CTNNA3: variants seen among roughly 807,000 people sequenced by gnomAD.
The protein encoded by CTNNA3 is catenin alpha 3.
Under a neutral mutation model 95.7 loss-of-function variants are expected in CTNNA3, and 76 were observed. That is an observed-to-expected ratio of 0.79 (90% CI 0.66 to 0.96). The LOEUF (loss-of-function observed/expected upper bound fraction) is 0.96. CTNNA3 is among the 40% of genes least tolerant of loss of function. The probability of loss-of-function intolerance (pLI) is 0.00; values close to 1 mark genes in which losing one functional copy is unlikely to be tolerated. For synonymous variants in CTNNA3, 431 were observed against 374.4 expected (o/e 1.15, Z -1.74); for missense variants, 1,191 against 1,089.8 (o/e 1.09, Z -1.31).
intron 16 of CTNNA3, among the ~76,000 whole-genome samples, chr10:65,979,216 A>G (rs1458689281): frequency 1.3e-5 from 2 of 152,186 alleles, no homozygotes; most frequent in Non-Finnish European, 2.9e-5. Flanking sequence ...TGAGAAAGTG[A>G]CATGTACTTT....
chr10:67,451,370 T>C (rs867626076), intron 5 of CTNNA3, among the ~76,000 whole-genome samples: 13 of 151,960 alleles, frequency 8.6e-5, no homozygotes, highest in African/African-American at 1.7e-4. Context: ...TAGAAAGATG[T>C]GATGTTAGAA....
chr10:67,323,162 T>C (rs1020219031), intron 5 of CTNNA3, among the ~76,000 whole-genome samples: 11 of 152,194 alleles, frequency 7.2e-5, no homozygotes, highest in African/African-American at 2.7e-4. Flanking sequence ...TCCCATTCTT[T>C]AGGTTGTCTG....
chr10:65,995,237 CT>C (rs1425235459), intron 15 of CTNNA3, among the ~76,000 whole-genome samples: 3 of 151,800 alleles, frequency 2.0e-5, no homozygotes, highest in African/African-American at 7.3e-5. Context: ...TTTAATGTTT[CT>C]TTTTTCCTTT....
At chr10:66,562,938 T>C (rs1164023980) in intron 10 of CTNNA3, among the ~76,000 whole-genome samples, 3 of 152,076 alleles carry the variant, frequency 2.0e-5, no homozygotes, top group African/African-American at 2.4e-5. Context: ...TTCAGGAACA[T>C]TAAAATAATT....
chr10:66,962,577 T>A (rs549179419), intron 7 of CTNNA3, among the ~76,000 whole-genome samples: 1 of 151,708 alleles, frequency 6.6e-6, no homozygotes, highest in East Asian at 2.0e-4. Flanking sequence ...ACCCAGATAA[T>A]TTTTTTTCTA....
intron 13 of CTNNA3, among the ~76,000 whole-genome samples, chr10:66,239,585 T>C (rs536003639): frequency 6.6e-5 from 10 of 152,036 alleles, no homozygotes; most frequent in Non-Finnish European, 1.5e-4. Context: ...AATGAGGCTA[T>C]AATTACAACA....
intron 7 of CTNNA3, among the ~76,000 whole-genome samples, chr10:66,841,746 C>T (rs187676794): frequency 1.8e-4 from 27 of 152,226 alleles, no homozygotes; most frequent in Admixed American, 1.6e-3. Flanking sequence ...TAAGGGCTAA[C>T]AAGTGCTAGG....
intron 15 of CTNNA3, among the ~76,000 whole-genome samples, chr10:66,061,877 G>A (rs1459048314): frequency 6.6e-6 from 1 of 152,050 alleles, no homozygotes; most frequent in Non-Finnish European, 1.5e-5. Flanking sequence ...ACATTTAACA[G>A]TTTAACAACA....
intron 14 of CTNNA3, among the ~76,000 whole-genome samples, chr10:66,082,653 G>A (rs1025229118): frequency 2.0e-5 from 3 of 150,790 alleles, no homozygotes; most frequent in Admixed American, 6.6e-5. Flanking sequence ...TAACATTAGG[G>A]GAAATTAGGT....
intron 10 of CTNNA3, among the ~76,000 whole-genome samples, chr10:66,617,495 T>C (rs1844564704): frequency 6.6e-6 from 1 of 152,094 alleles, no homozygotes; most frequent in Non-Finnish European, 1.5e-5. Flanking sequence ...AAAAGGCCTT[T>C]GACAAAATTC....
Position 66,876,173 on chromosome 10 carries a change from C to T in CTNNA3, c.1048-100649G>A, listed in dbSNP as rs566146725. The stretch of plus-strand genomic sequence containing the variant: ...AGATCTGATAGTTGGTAAAATGGGC[C>T]ATAGGGTAGCTTCACTAAGCATTTC... On this transcript the variant is annotated intron_variant, in intron 7 of 17. Coordinates refer to ENST00000433211, the MANE Select transcript of CTNNA3 (RefSeq NM_013266.4). Among the ~76,000 whole-genome samples the T allele has an allele frequency of 2.0e-3, 307 of 152,120 alleles. 1 individual carries two copies. Among genetic ancestry groups the T allele is most frequent in the African/African-American group, 7.0e-3 (290 of 41,508 alleles).
chr10:66,508,984 C>T (rs1405164758), intron 11 of CTNNA3, among the ~76,000 whole-genome samples: 1 of 152,068 alleles, frequency 6.6e-6, no homozygotes, highest in African/African-American at 2.4e-5. Flanking sequence ...AGTGGCTATA[C>T]TAGTTTATAT....
At chr10:66,326,716 A>G (rs2092258889) in intron 12 of CTNNA3, among the ~76,000 whole-genome samples, 1 of 152,054 alleles carries the variant, frequency 6.6e-6, no homozygotes, top group East Asian at 1.9e-4. Flanking sequence ...GTAGCGGGAG[A>G]TCAGACCAGA....
chr10:65,964,895 C>T (rs908529461), intron 17 of CTNNA3, among the ~76,000 whole-genome samples: 2 of 152,050 alleles, frequency 1.3e-5, no homozygotes, highest in Non-Finnish European at 2.9e-5. Flanking sequence ...TACACACATA[C>T]ATGCTGTGTG....
At chr10:66,169,041 C>T (rs79814637) in intron 13 of CTNNA3, among the ~76,000 whole-genome samples, 11,273 of 152,120 alleles carry the variant, frequency 0.074, 526 homozygotes, top group Admixed American at 0.12. Flanking sequence ...TCTCATGTAC[C>T]AATTAATTGT....
intron 7 of CTNNA3, among the ~76,000 whole-genome samples, chr10:66,888,518 G>T (rs1845133282): frequency 6.6e-6 from 1 of 151,782 alleles, no homozygotes; most frequent in Non-Finnish European, 1.5e-5. Flanking sequence ...ACCAGATCAT[G>T]CAGGCCTTTC....
At chr10:66,628,533 A>G (rs1845019473) in intron 9 of CTNNA3, among the ~76,000 whole-genome samples, 1 of 152,208 alleles carries the variant, frequency 6.6e-6, no homozygotes, top group Non-Finnish European at 1.5e-5. Flanking sequence ...ACAAATAAAC[A>G]GAGAAAAACT....
rs548072739 is a variant in CTNNA3 at position 67,129,488 on chromosome 10, T to C, written c.1047+50829A>G. On this transcript the variant is annotated intron_variant, in intron 7 of 17. Coordinates refer to ENST00000433211, the MANE Select transcript of CTNNA3 (RefSeq NM_013266.4). ...CAGTTATGAATTAAATCAAGTATAA[T>C]GTGCAATTAAAACTCAGATGCAGAG... Among the ~76,000 whole-genome samples, 9 of 152,306 alleles carry C rather than the reference T, an allele frequency of 5.9e-5. No homozygotes were observed. In the East Asian group the frequency reaches 1.7e-3, roughly 29 times the overall value.
chr10:67,643,169 T>A (rs1262301769), intron 2 of CTNNA3, among the ~76,000 whole-genome samples: 1 of 152,166 alleles, frequency 6.6e-6, no homozygotes, highest in Non-Finnish European at 1.5e-5. Flanking sequence ...ACGTCCTTTG[T>A]AGGGACATGG....
Sources: allele counts gnomAD v4.1 joint callset (sites outside exome capture counted in the v4.1 genomes callset), GRCh38; gene constraint gnomAD v4.1.1; transcripts MANE v1.5; gene names NCBI Gene and HGNC (gene_info 2026-07-23, HGNC 2026-07-21).